Variants in ZNF229 observed in about 807,000 individuals in gnomAD.
ZNF229 encodes zinc finger protein 229.
Under a neutral mutation model 11.8 loss-of-function variants are expected in ZNF229, and 10 were observed. The observed-to-expected ratio is 0.85, with a 90% CI of 0.52 to 1.44. ZNF229 has a LOEUF of 1.44. Among genes scored for constraint, ZNF229 ranks in the 40% most tolerant of loss-of-function variants. The probability of loss-of-function intolerance (pLI) is 0.00; values close to 1 mark genes in which losing one functional copy is unlikely to be tolerated. For missense variants in ZNF229, 1,045 were observed against 1,015.1 expected (o/e 1.03, Z -0.40); for synonymous variants, 368 against 374.8 (o/e 0.98, Z 0.21).
chr19:44,430,180 C>T lies in ZNF229; in HGVS notation c.601G>A (p.Glu201Lys). 6.2e-7 allele frequency: 1 copy of T among 1,614,050 alleles called. No homozygotes were observed. Among genetic ancestry groups the T allele is most frequent in the South Asian group, 1.1e-5 (1 of 91,086 alleles). The change falls in exon 6 of 6, where the codon GAA becomes AAA. Residue 201 changes from glutamate to lysine, a missense_variant. Coordinates refer to ENST00000614049, the MANE Select transcript of ZNF229 (RefSeq NM_014518.4). ...TCTGTGTCGAGATTTTTACATCTTT[C>T]TTGAACATCCCCTAACTGGTTCACA... ...AFVNQLGDVQ[E>K]RCKNLDTEDT... is the part of the protein sequence containing the mutation.
At chr19:44,443,335 G>A (rs1290675929) in intron 2 of ZNF229, among the ~76,000 whole-genome samples, 3 of 152,294 alleles carry the variant, frequency 2.0e-5, no homozygotes, top group South Asian at 4.2e-4. Flanking sequence ...AACACCTGGA[G>A]AGGAAAAGCT....
At chr19:44,440,973 C>G (rs774359719) in intron 4 of ZNF229, among the ~76,000 whole-genome samples, 14 of 152,092 alleles carry the variant, frequency 9.2e-5, no homozygotes, top group Non-Finnish European at 1.8e-4. Flanking sequence ...GATCCGCATG[C>G]CTCAGCTTCC....
chr19:44,434,399 G>A (rs866108174), intron 4 of ZNF229, among the ~76,000 whole-genome samples: 1 of 152,106 alleles, frequency 6.6e-6, no homozygotes, highest in Non-Finnish European at 1.5e-5. Flanking sequence ...GCTAATTTAT[G>A]TCATGCAACC....
intron 2 of ZNF229, among the ~76,000 whole-genome samples, chr19:44,443,460 T>A (rs1971951513): frequency 6.6e-6 from 1 of 152,194 alleles, no homozygotes. Flanking sequence ...CGTTTTTAAC[T>A]TTTTTTGTGC....
intron 4 of ZNF229, among the ~76,000 whole-genome samples, chr19:44,439,169 C>T (rs1804333928): frequency 6.6e-6 from 1 of 152,154 alleles, no homozygotes; most frequent in South Asian, 2.1e-4. Context: ...GAGGAGAAAC[C>T]CACACACATT....
rs1433081287 is a variant in ZNF229, at chr19:44,426,856, A to AT, written c.*1446dup. On this transcript the variant is annotated 3_prime_UTR_variant, in exon 6 of 6. Coordinates refer to ENST00000614049, the MANE Select transcript of ZNF229 (RefSeq NM_014518.4). ...AATGCACGGATTTTCTCTCTCACCA[A>AT]TAAGTACATAAGACTTATTACGTCC... 2 of 152,128 alleles carry AT rather than the reference A, an allele frequency of 1.3e-5. No individual in the cohort carries two copies. The highest frequency in any genetic ancestry group is 3.9e-4 in the East Asian group (2 of 5,194). The allele number at this position is 152,128 out of a possible 1,614,324, so 9.4% of individuals were successfully genotyped here.
In ZNF229 at chr19:44,430,250, T is replaced by C; in HGVS notation, c.531A>G (p.Arg177=). The change falls in exon 6 of 6, where the codon AGA becomes AGG. Residue 177 remains arginine (R), a synonymous_variant. Transcript: ENST00000614049. ...GLENQQFPAW[R]AIRPIPIQGS... ...CTTGAATGGGGATTGGTCTTATAGC[T>C]CTCCAGGCTGGAAACTGTTGATTTT... is the stretch of plus-strand genomic sequence containing the variant. The C allele has an allele frequency of 6.2e-7, 1 of 1,614,104 alleles. No homozygotes were observed.
chr19:44,431,894 G>A, intron 5 of ZNF229: 1 of 791,582 alleles, frequency 1.3e-6, no homozygotes, highest in South Asian at 5.1e-5. Context: ...ATTAAGTCAT[G>A]GAGGTGGAAC....
In ZNF229 at chr19:44,443,012, A is replaced by G. The variant is rs1256452574; in HGVS notation, c.-165T>C. ...ACTGTCCAGAGCGCGACTGCTTCCC[A>G]TGGTCAGGGGACCTGTAGGTTCGGG... is the stretch of plus-strand genomic sequence containing the variant. On this transcript the variant is annotated 5_prime_UTR_variant, in exon 3 of 6. It removes an upstream start codon present in the reference 5' UTR. Transcript: ENST00000614049. The G allele has an allele frequency of 1.3e-6, 1 of 753,892 alleles. No homozygotes were observed. The highest frequency in any genetic ancestry group is 2.2e-6 in the Non-Finnish European group (1 of 462,036). The allele number at this position is 753,892 out of a possible 1,614,324, so 46.7% of individuals were successfully genotyped here.
At position 44,442,300 on chromosome 19, in the gene ZNF229, G is replaced by T. The variant is rs150329394; in HGVS notation, c.93+263C>A. On this transcript the variant is annotated intron_variant, in intron 4 of 5. Coordinates refer to ENST00000614049, the MANE Select transcript of ZNF229 (RefSeq NM_014518.4). ...TTGGGCCTCTGCGTGAAGCTATTGC[G>T]GTGGCAGGAAGGCATAGCGGAAAGG... 2.0e-5 allele frequency among the ~76,000 whole-genome samples: 3 copies of T among 152,212 alleles called. No individual in the cohort carries two copies. The East Asian group carries it at 5.8e-4, about 29-fold the overall frequency.
intron 2 of ZNF229, among the ~76,000 whole-genome samples, chr19:44,443,855 AT>A (rs1971957661): frequency 6.6e-6 from 1 of 152,140 alleles, no homozygotes; most frequent in South Asian, 2.1e-4. Context: ...TCCCATTCAA[AT>A]TCATGGAACT....
rs370145415 is a variant in ZNF229, at chr19:44,430,430, A to G, written c.351T>C (p.Pro117=). 6.2e-7 allele frequency: 1 copy of G among 1,613,970 alleles called. No individual in the cohort carries two copies. Among genetic ancestry groups the G allele is most frequent in the African/African-American group, 1.3e-5 (1 of 74,806 alleles). ...KIWEEVAGEL[P]GSQDCRVNLQ... ...GATTTACTCTACAGTCTTGGCTCCC[A>G]GGTAATTCACCTGCCACCTCTTCCC... The change falls in exon 6 of 6, where the codon CCT becomes CCC. Residue 117 remains proline (P), a synonymous_variant. Transcript: ENST00000614049.
At chr19:44,435,151 A>G (rs1351059857) in intron 4 of ZNF229, among the ~76,000 whole-genome samples, 8 of 152,222 alleles carry the variant, frequency 5.3e-5, no homozygotes, top group Non-Finnish European at 1.0e-4. Context: ...ATGAGAACAG[A>G]CTAATACAGA....
In ZNF229 at chr19:44,447,327, T is replaced by G. The variant is rs116097947; in HGVS notation, c.-178+186A>C. On this transcript the variant is annotated intron_variant, in intron 2 of 5. Coordinates refer to ENST00000614049, the MANE Select transcript of ZNF229 (RefSeq NM_014518.4). Reference sequence around the variant, plus strand: ...AGCCTTTACTGACCCAGTGACACACTACTAGGAGCCAAGAAGAGAATACAC... The same window carrying G: ...AGCCTTTACTGACCCAGTGACACACGACTAGGAGCCAAGAAGAGAATACAC... 8.8e-3 allele frequency among the ~76,000 whole-genome samples: 1,346 copies of G among 152,240 alleles called. 12 individuals carry two copies. Among genetic ancestry groups the G allele is most frequent in the African/African-American group, 0.027 (1,112 of 41,548 alleles).
chr19:44,428,092 C>A lies in ZNF229; in HGVS notation c.*211G>T. 1 of 552,868 alleles carries A rather than the reference C, an allele frequency of 1.8e-6. No individual in the cohort carries two copies. Among genetic ancestry groups the A allele is most frequent in the South Asian group, 2.8e-5 (1 of 35,434 alleles). The allele number at this position is 552,868 out of a possible 1,614,324, so 34.2% of individuals were successfully genotyped here. A position where few individuals can be genotyped will look rare whatever the true frequency, so the allele number is the denominator to read the frequency against. ...TTTCTTTAAAGCCTACTCCGCTGCA[C>A]AACAGACTCTTAAAGACTGAAGTTT... On this transcript the variant is annotated 3_prime_UTR_variant, in exon 6 of 6. Coordinates refer to ENST00000614049, the MANE Select transcript of ZNF229 (RefSeq NM_014518.4).
At chr19:44,435,979 G>C (rs1323992665) in intron 4 of ZNF229, among the ~76,000 whole-genome samples, 1 of 152,140 alleles carries the variant, frequency 6.6e-6, no homozygotes, top group East Asian at 1.9e-4. Context: ...AACACTGAAG[G>C]GTAGTTTACA....
intron 4 of ZNF229, among the ~76,000 whole-genome samples, chr19:44,433,144 C>G (rs910382808): frequency 6.6e-6 from 1 of 152,066 alleles, no homozygotes; most frequent in African/African-American, 2.4e-5. Flanking sequence ...GCCTCAATCT[C>G]CAGGGTTCAA....
At chr19:44,433,247 G>A (rs1453994948) in intron 4 of ZNF229, among the ~76,000 whole-genome samples, 1 of 151,972 alleles carries the variant, frequency 6.6e-6, no homozygotes, top group Non-Finnish European at 1.5e-5. Context: ...TGTAGAGATG[G>A]GACCTTGCTA....
Position 44,442,811 on chromosome 19 carries a change from C to T in ZNF229, c.34+3G>A. 6.8e-7 allele frequency: 1 copy of T among 1,481,048 alleles called. No homozygotes were observed. The allele number at this position is 1,481,048 out of a possible 1,614,324, so 91.7% of individuals were successfully genotyped here. ...CCCACCCACCCCCTCTATTAGCTGT[C>T]ACCTCTTTTCTCATGCCTTGAGGTC... On this transcript the variant is annotated splice_donor_region_variant and intron_variant, in intron 3 of 5. Transcript: ENST00000614049.
Sources: allele counts gnomAD v4.1 joint callset (sites outside exome capture counted in the v4.1 genomes callset), GRCh38; gene constraint gnomAD v4.1.1; transcripts MANE v1.5; gene names NCBI Gene and HGNC (gene_info 2026-07-23, HGNC 2026-07-21).